The following CHTF8 variants were observed in gnomAD, a reference collection of about 807,000 sequenced individuals.
The protein encoded by CHTF8 is chromosome transmission fidelity protein 8 homolog.
CHTF8 carries 6 observed loss-of-function variants against 11.0 expected under a neutral mutation model. The observed-to-expected ratio is 0.55, with a 90% confidence interval of 0.30 to 1.08. CHTF8 has a LOEUF of 1.08. CHTF8 is among the 50% of genes least tolerant of loss of function. The pLI, the probability that CHTF8 is intolerant of heterozygous loss-of-function variation, is 0.07. For synonymous variants in CHTF8, 53 were observed against 60.5 expected, an observed-to-expected ratio of 0.88 and a Z score of 0.57; for missense variants, 140 against 153.1, an observed-to-expected ratio of 0.91 and a Z score of 0.45.
intron 1 of CHTF8, chr16:69,132,122 G>A (rs1007567017): frequency 1.3e-5 from 2 of 152,662 alleles, no homozygotes; most frequent in African/African-American, 2.5e-5. Flanking sequence ...CCCCTTCTCC[G>A]TCCTCCGCCC....
intron 1 of CHTF8, 126 bp downstream of exon 1, chr16:69,132,358 C>T (rs1962611847): frequency 6.7e-6 from 1 of 148,766 alleles, no homozygotes; most frequent in Admixed American, 6.8e-5. Flanking sequence ...CGCCATTCTT[C>T]TCTCCGAGCC....
In CHTF8 at chr16:69,119,105, G is replaced by A. The variant is rs1375228522; in HGVS notation, c.*1320C>T. 5.7e-6 allele frequency: 4 copies of A among 703,086 alleles called. No individual in the cohort carries two copies. In the East Asian group the frequency reaches 1.1e-4, roughly 19 times the overall value. 43.6% of individuals were successfully genotyped at this position (703,086 alleles called of 1,614,324 possible). ...CCCAGATGCCCGGCAGCTGGCCTGG[G>A]GAAAGTAACTTGACCAGGGCCTAAT... is the stretch of plus-strand genomic sequence containing the variant. On this transcript the variant is annotated 3_prime_UTR_variant, in exon 4 of 4. Transcript: ENST00000448552.
chr16:69,118,127 A>ACCCCCCCCCC lies in CHTF8; in HGVS notation c.*2297_*2298insGGGGGGGGGG. ...CAGTGATTTCTTCCCTTCATCCCCC[A>ACCCCCCCCCC]CCCCCACCCTAATTCCCATATTCCC... is the stretch of plus-strand genomic sequence containing the variant. On this transcript the variant is annotated 3_prime_UTR_variant, in exon 4 of 4. Coordinates refer to ENST00000448552, the MANE Select transcript of CHTF8 (RefSeq NM_001039690.5). 7.2e-6 allele frequency: 1 copy of ACCCCCCCCCC among 138,046 alleles called. No homozygotes were observed. The highest frequency in any genetic ancestry group is 1.4e-5 in the Non-Finnish European group (1 of 69,834). The allele number at this position is 138,046 out of a possible 1,614,324, so 8.6% of individuals were successfully genotyped here. A position where few individuals can be genotyped will look rare whatever the true frequency, so the allele number is the denominator to read the frequency against.
intron 1 of CHTF8, among the ~76,000 whole-genome samples, chr16:69,129,308 T>TA (rs1399722534): frequency 1.3e-5 from 2 of 150,984 alleles, no homozygotes; most frequent in Non-Finnish European, 2.9e-5. Flanking sequence ...CAGGTGCCTG[T>TA]AGTCCTAGCT....
At chr16:69,126,968 C>T (rs1023872441) in intron 1 of CHTF8, among the ~76,000 whole-genome samples, 7 of 151,984 alleles carry the variant, frequency 4.6e-5, no homozygotes, top group East Asian at 1.9e-4. Context: ...TGTATGAGGC[C>T]GGGCGCGGTG....
At position 69,118,628 on chromosome 16, in the gene CHTF8, T is replaced by C. The variant is rs1961356471; in HGVS notation, c.*1797A>G. ...CAGGCTTCTGGGAGGCTGGAGATCC[T>C]TTCTCTCAAGGGCAGGATTATTCCC... On this transcript the variant is annotated 3_prime_UTR_variant, in exon 4 of 4. Transcript: ENST00000448552. 1 of 703,682 alleles carries C rather than the reference T, an allele frequency of 1.4e-6. No individual in the cohort carries two copies. Among genetic ancestry groups the C allele is most frequent in the Non-Finnish European group, 2.6e-6 (1 of 385,386 alleles). The allele number at this position is 703,682 out of a possible 1,614,324, so 43.6% of individuals were successfully genotyped here.
chr16:69,121,303 C>G, intron 2 of CHTF8, 133 bp from the exon 3 acceptor site: 1 of 1,214,768 alleles, frequency 8.2e-7, no homozygotes, highest in Non-Finnish European at 1.2e-6. Context: ...CAGTGCTAGG[C>G]ATGGAACTAG....
intron 1 of CHTF8, among the ~76,000 whole-genome samples, chr16:69,123,966 T>C (rs1485440744): frequency 6.8e-6 from 1 of 146,136 alleles, no homozygotes; most frequent in African/African-American, 2.6e-5. Flanking sequence ...TAGCTGGGTG[T>C]GGTGGCGCAC....
At chr16:69,128,126 G>A (rs1303255586) in intron 1 of CHTF8, among the ~76,000 whole-genome samples, 2 of 151,568 alleles carry the variant, frequency 1.3e-5, no homozygotes, top group Non-Finnish European at 2.9e-5. Flanking sequence ...TATTAGTCAG[G>A]CTGGTCTTGA....
intron 1 of CHTF8, among the ~76,000 whole-genome samples, chr16:69,131,835 GTC>G (rs1962548527): frequency 6.6e-6 from 1 of 150,740 alleles, no homozygotes; most frequent in South Asian, 2.1e-4. Context: ...CACCCCACTC[GTC>G]TCTCGGCTTC....
rs368710507 is a variant in CHTF8, at chr16:69,118,429, C to T, written c.*1996G>A. On this transcript the variant is annotated 3_prime_UTR_variant, in exon 4 of 4. Coordinates refer to ENST00000448552, the MANE Select transcript of CHTF8 (RefSeq NM_001039690.5). ...AGGTCAGAGCTACGGAAGCATGGTC[C>T]GTTCACCAACGCCACGTTTCTAGAG... 1.9e-5 allele frequency: 31 copies of T among 1,611,924 alleles called. No homozygotes were observed. Among genetic ancestry groups the T allele is most frequent in the African/African-American group, 5.3e-5 (4 of 74,858 alleles).
Position 69,120,956 on chromosome 16 carries a change from C to A in CHTF8, c.141+97G>T. 9.6e-7 allele frequency: 1 copy of A among 1,046,552 alleles called. No homozygotes were observed. The highest frequency in any genetic ancestry group is 1.7e-5 in the Admixed American group (1 of 59,290). 64.8% of individuals were successfully genotyped at this position (1,046,552 alleles called of 1,614,324 possible). A position where few individuals can be genotyped will look rare whatever the true frequency, so the allele number is the denominator to read the frequency against. ...CGCAGATTAGCTAGGCCTTGAATAA[C>A]AAACCTGAGGCAGTCCTCACTCTGG... On this transcript the variant is annotated intron_variant, in intron 3 of 3. Coordinates refer to ENST00000448552, the MANE Select transcript of CHTF8 (RefSeq NM_001039690.5). This position sits in a 1 kb window ranked among gnomAD's most constrained non-coding sequence, Gnocchi z 4.0.
Position 69,120,092 on chromosome 16 carries a change from G to A in CHTF8, c.*333C>T, listed in dbSNP as rs1260358118. ...GGCCCCAAGAGGCCACCAGGCCTTG[G>A]GAAAGAAACTGCACCTGTGCCAGTG... is the stretch of plus-strand genomic sequence containing the variant. On this transcript the variant is annotated 3_prime_UTR_variant, in exon 4 of 4. Coordinates refer to ENST00000448552, the MANE Select transcript of CHTF8 (RefSeq NM_001039690.5). The surrounding 1 kb of genome is among the most constrained non-coding windows in gnomAD (Gnocchi z 4.0). The A allele has an allele frequency of 4.3e-6, 3 of 697,180 alleles. No individual in the cohort carries two copies. The highest frequency in any genetic ancestry group is 7.8e-6 in the Non-Finnish European group (3 of 382,944). The allele number at this position is 697,180 out of a possible 1,614,324, so 43.2% of individuals were successfully genotyped here.
At position 69,119,135 on chromosome 16, in the gene CHTF8, C is replaced by A. The variant is rs777443040; in HGVS notation, c.*1290G>T. On this transcript the variant is annotated 3_prime_UTR_variant, in exon 4 of 4. Transcript: ENST00000448552. ...GTAACTTGACCAGGGCCTAATGGGC[C>A]AGTAGACCTTGGGAAGGTAGTTGGA... The A allele has an allele frequency of 2.8e-6, 2 of 703,018 alleles. No homozygotes were observed. The allele number at this position is 703,018 out of a possible 1,614,324, so 43.5% of individuals were successfully genotyped here.
intron 1 of CHTF8, among the ~76,000 whole-genome samples, chr16:69,128,885 G>A (rs1026218314): frequency 5.9e-5 from 9 of 152,012 alleles, no homozygotes; most frequent in Non-Finnish European, 1.0e-4. Context: ...CCAACATGGT[G>A]AAACCCAGTT....
intron 1 of CHTF8, among the ~76,000 whole-genome samples, chr16:69,128,560 T>G (rs903328375): frequency 2.6e-5 from 4 of 152,152 alleles, no homozygotes; most frequent in Admixed American, 6.5e-5. Flanking sequence ...ATACATAAAT[T>G]CTGTATTCCT....
At chr16:69,123,546 A>G (rs1037933549) in intron 1 of CHTF8, among the ~76,000 whole-genome samples, 35 of 152,042 alleles carry the variant, frequency 2.3e-4, no homozygotes, top group African/African-American at 1.7e-4. Flanking sequence ...AATCCCAGCT[A>G]TTCGGCAGGC....
At chr16:69,123,433 G>A (rs1373105509) in intron 1 of CHTF8, among the ~76,000 whole-genome samples, 1 of 152,120 alleles carries the variant, frequency 6.6e-6, no homozygotes, top group East Asian at 1.9e-4. Flanking sequence ...TGAGGCGGTG[G>A]GTCACTTGAT....
chr16:69,120,371 G>A lies in CHTF8; in HGVS notation c.*54C>T, dbSNP rs1374006277. On this transcript the variant is annotated 3_prime_UTR_variant, in exon 4 of 4. Coordinates refer to ENST00000448552, the MANE Select transcript of CHTF8 (RefSeq NM_001039690.5). The surrounding 1 kb of genome is among the most constrained non-coding windows in gnomAD (Gnocchi z 4.0). ...CCGTCGAGCCGTCCTCGAGGTGGCA[G>A]CGGAGCACGAGTCCAAGGAGTTGGC... 2 of 1,567,532 alleles carry A rather than the reference G, an allele frequency of 1.3e-6. No homozygotes were observed. The highest frequency in any genetic ancestry group is 4.5e-5 in the East Asian group (2 of 44,664).
Sources: gnomAD v4.1 joint callset for allele counts (sites outside exome capture counted in the v4.1 genomes callset) on GRCh38, gnomAD v4.1.1 for gene constraint, Gnocchi (gnomAD v3.1) non-coding constraint, MANE v1.5 for transcripts, NCBI Gene and HGNC (gene_info 2026-07-23, HGNC 2026-07-21) for gene names.